ROBO1: variants seen among roughly 807,000 people sequenced by gnomAD.
The protein encoded by ROBO1 is roundabout homolog 1.
A neutral mutation model predicts 195.9 loss-of-function variants in ROBO1; 149 were observed. That is an observed-to-expected ratio of 0.76 (90% CI 0.67 to 0.87). The LOEUF (loss-of-function observed/expected upper bound fraction) is 0.87, where lower values mean the gene tolerates loss of function less well. Ranked by LOEUF, ROBO1 falls within the 40% of genes least tolerant of loss-of-function variation. The pLI is 0.00. For missense variants in ROBO1, 1,933 were observed against 2,068.3 expected, an observed-to-expected ratio of 0.93 and a Z score of 1.27; for synonymous variants, 816 against 733.2, an observed-to-expected ratio of 1.11 and a Z score of -1.82.
chr3:78,724,069 A>G (rs1349934235), intron 5 of ROBO1, among the ~76,000 whole-genome samples: 1 of 152,172 alleles, frequency 6.6e-6, no homozygotes, highest in Non-Finnish European at 1.5e-5. Flanking sequence ...CCTGGGAGAC[A>G]CTGCCTCAGG....
chr3:78,627,614 A>G, intron 25 of ROBO1, 45 bp from the exon 26 acceptor site: 1 of 1,541,544 alleles, frequency 6.5e-7, no homozygotes, highest in Non-Finnish European at 8.8e-7. Flanking sequence ...CAGGTTATTC[A>G]AATAAACTAT....
At chr3:79,643,943 G>C (rs1945741650) in intron 1 of ROBO1, among the ~76,000 whole-genome samples, 1 of 152,112 alleles carries the variant, frequency 6.6e-6, no homozygotes, top group Non-Finnish European at 1.5e-5. Flanking sequence ...AGTTTACACT[G>C]TCTGCAACAC....
At chr3:79,149,319 AGC>A (rs2108633640) in intron 2 of ROBO1, among the ~76,000 whole-genome samples, 1 of 152,024 alleles carries the variant, frequency 6.6e-6, no homozygotes, top group South Asian at 2.1e-4. Context: ...TTTGCATAAT[AGC>A]CTTTTTGATA....
rs535715475 is a variant in ROBO1 at position 79,767,798 on chromosome 3, A to T, written c.-97T>A. ...GCAATCTAGAGGCTCCGTAGTGCAG[A>T]CGCAGCCCTGCAACTTTGCTGTGCA... On this transcript the variant is annotated 5_prime_UTR_variant, in exon 1 of 31. Transcript: ENST00000464233. 1 of 152,302 alleles carries T rather than the reference A, an allele frequency of 6.6e-6. No homozygotes were observed. Among genetic ancestry groups the T allele is most frequent in the South Asian group, 2.1e-4 (1 of 4,824 alleles). The allele number at this position is 152,302 out of a possible 1,614,324, so 9.4% of individuals were successfully genotyped here.
chr3:79,365,704 T>C (rs2035947024), intron 2 of ROBO1, among the ~76,000 whole-genome samples: 1 of 152,074 alleles, frequency 6.6e-6, no homozygotes, highest in African/African-American at 2.4e-5. Context: ...GAGACCATCC[T>C]GGCTAACACG....
chr3:79,352,874 T>TTA (rs759015190), intron 2 of ROBO1, among the ~76,000 whole-genome samples: 89 of 152,088 alleles, frequency 5.9e-4, no homozygotes, highest in South Asian at 4.1e-3. Context: ...GACAGATTCA[T>TTA]TATATATATA....
At position 79,293,785 on chromosome 3, in the gene ROBO1, G is replaced by A. The variant is rs187833390; in HGVS notation, c.89-168246C>T. Among the ~76,000 whole-genome samples the A allele has an allele frequency of 2.0e-3, 311 of 152,144 alleles. 1 individual carries two copies. The highest frequency in any genetic ancestry group is 7.0e-3 in the African/African-American group (290 of 41,518). ...TAGAAAAAACTACTTTGGGCCGGGC[G>A]CGGTGGCTCATGCCTGTAATCCCAG... On this transcript the variant is annotated intron_variant, in intron 2 of 30. Coordinates refer to ENST00000464233, the MANE Select transcript of ROBO1 (RefSeq NM_002941.4).
intron 1 of ROBO1, among the ~76,000 whole-genome samples, chr3:79,731,787 T>C (rs2107358271): frequency 6.6e-6 from 1 of 152,284 alleles, no homozygotes; most frequent in Non-Finnish European, 1.5e-5. Context: ...TCAAAATGTG[T>C]TTTGTAATAA....
intron 1 of ROBO1, among the ~76,000 whole-genome samples, chr3:79,655,391 T>C (rs189751762): frequency 6.6e-6 from 1 of 152,130 alleles, no homozygotes; most frequent in Admixed American, 6.6e-5. Context: ...ATACAGGAAA[T>C]ACAGAAACTA....
intron 2 of ROBO1, among the ~76,000 whole-genome samples, chr3:79,532,367 GAC>G (rs141669404): frequency 0.57 from 86,631 of 151,684 alleles, 24,834 homozygotes; most frequent in Non-Finnish European, 0.59. Context: ...CACACAAGTT[GAC>G]CCAAAGTTTT....
chr3:79,101,463 G>T (rs1311376060), intron 3 of ROBO1, among the ~76,000 whole-genome samples: 1 of 151,834 alleles, frequency 6.6e-6, no homozygotes, highest in Non-Finnish European at 1.5e-5. Context: ...CGTTTTGGAT[G>T]AATTAATAAT....
At chr3:79,322,944 G>T (rs536782981) in intron 2 of ROBO1, among the ~76,000 whole-genome samples, 16 of 152,008 alleles carry the variant, frequency 1.1e-4, no homozygotes, top group African/African-American at 3.4e-4. Context: ...TATACCAACT[G>T]GTAAATGTAT....
At chr3:79,071,393 G>T (rs1168274406) in intron 3 of ROBO1, among the ~76,000 whole-genome samples, 1 of 150,290 alleles carries the variant, frequency 6.7e-6, no homozygotes, top group Non-Finnish European at 1.5e-5. Context: ...TATATTTTTG[G>T]TAATTTCTTT....
intron 29 of ROBO1, among the ~76,000 whole-genome samples, chr3:78,601,660 T>C (rs1703179876): frequency 6.6e-6 from 1 of 152,214 alleles, no homozygotes; most frequent in Non-Finnish European, 1.5e-5. Context: ...CTTCTTTCTT[T>C]CCTCACCACT....
intron 10 of ROBO1, among the ~76,000 whole-genome samples, chr3:78,683,018 T>A (rs2080964332): frequency 6.6e-6 from 1 of 151,972 alleles, no homozygotes; most frequent in South Asian, 2.1e-4. Context: ...TGACCTCCAA[T>A]ATAGTGAGCA....
intron 2 of ROBO1, among the ~76,000 whole-genome samples, chr3:79,151,477 C>T (rs772047892): frequency 2.0e-5 from 3 of 151,658 alleles, no homozygotes; most frequent in Non-Finnish European, 4.4e-5. Context: ...AATCGCCCCT[C>T]GTCTCTCACC....
intron 4 of ROBO1, among the ~76,000 whole-genome samples, chr3:78,888,084 T>C (rs2036669007): frequency 6.6e-6 from 1 of 152,224 alleles, no homozygotes; most frequent in Non-Finnish European, 1.5e-5. Context: ...AGACATTGTA[T>C]TTCTTAGAAC....
At chr3:78,817,125 A>C (rs531101932) in intron 4 of ROBO1, among the ~76,000 whole-genome samples, 2 of 152,246 alleles carry the variant, frequency 1.3e-5, no homozygotes, top group Admixed American at 1.3e-4. Context: ...GCTACAGAAA[A>C]ATCTTTAGGG....
chr3:79,374,445 C>T (rs1006153034), intron 2 of ROBO1, among the ~76,000 whole-genome samples: 2 of 152,038 alleles, frequency 1.3e-5, no homozygotes, highest in Non-Finnish European at 2.9e-5. Context: ...CCTCAAGCTA[C>T]TTAATGACAT....
Sources: allele counts gnomAD v4.1 joint callset (sites outside exome capture counted in the v4.1 genomes callset), GRCh38; gene constraint gnomAD v4.1.1; transcripts MANE v1.5; gene names NCBI Gene and HGNC (gene_info 2026-07-23, HGNC 2026-07-21).